The following NEDD4 variants were observed in gnomAD, a reference collection of about 807,000 sequenced individuals.
NEDD4 encodes E3 ubiquitin-protein ligase NEDD4.
In NEDD4, 99 loss-of-function variants were observed where a neutral mutation model predicts 144.9. The ratio of observed to expected loss-of-function variants is 0.68; its 90% CI spans 0.58 to 0.81. The LOEUF (loss-of-function observed/expected upper bound fraction) is 0.81. Ranked by LOEUF, NEDD4 falls within the 30% of genes least tolerant of loss-of-function variation. The pLI, the probability that NEDD4 is intolerant of heterozygous loss-of-function variation, is 0.00. For synonymous variants in NEDD4, 318 were observed against 350.6 expected (o/e 0.91, Z 1.04); for missense variants, 985 against 1,065.9 (o/e 0.92, Z 1.06).
At chr15:55,847,489 GTTTTA>G (rs1205375169) in intron 17 of NEDD4, among the ~76,000 whole-genome samples, 1 of 151,952 alleles carries the variant, frequency 6.6e-6, no homozygotes, top group Non-Finnish European at 1.5e-5. Flanking sequence ...GGTATCTTCA[GTTTTA>G]TTTATTTTTA....
chr15:55,982,388 G>T (rs2037818464), intron 1 of NEDD4, among the ~76,000 whole-genome samples: 1 of 152,124 alleles, frequency 6.6e-6, no homozygotes, highest in African/African-American at 2.4e-5. Context: ...CATCGAAGGA[G>T]AATGGATATA....
intron 17 of NEDD4, among the ~76,000 whole-genome samples, chr15:55,848,031 C>T (rs1258777514): frequency 1.3e-5 from 2 of 152,126 alleles, no homozygotes; most frequent in African/African-American, 4.8e-5. Flanking sequence ...GCTGCTTCCT[C>T]ATCCGCATAC....
chr15:55,867,314 C>T (rs924301624), intron 8 of NEDD4, among the ~76,000 whole-genome samples: 3 of 152,144 alleles, frequency 2.0e-5, no homozygotes, highest in Admixed American at 2.0e-4. Context: ...CATAAATAAA[C>T]TCCTACAAGC....
chr15:55,914,318 T>G (rs1309762816), intron 5 of NEDD4, among the ~76,000 whole-genome samples: 1 of 151,746 alleles, frequency 6.6e-6, no homozygotes, highest in African/African-American at 2.4e-5. Flanking sequence ...AGTTAGAAAA[T>G]TTTTTAAATT....
At chr15:55,956,438 T>C (rs1435097428) in intron 2 of NEDD4, among the ~76,000 whole-genome samples, 7 of 152,228 alleles carry the variant, frequency 4.6e-5, no homozygotes, top group Admixed American at 2.6e-4. Context: ...TTTATCATTT[T>C]AGCTCATACT....
At chr15:55,959,606 T>C (rs1220537127) in intron 2 of NEDD4, among the ~76,000 whole-genome samples, 1 of 152,160 alleles carries the variant, frequency 6.6e-6, no homozygotes, top group African/African-American at 2.4e-5. Context: ...ACCAACAGAT[T>C]ATGGCAAATG....
At chr15:55,963,139 T>TA (rs2037453120) in intron 2 of NEDD4, among the ~76,000 whole-genome samples, 1 of 149,384 alleles carries the variant, frequency 6.7e-6, no homozygotes, top group Admixed American at 6.7e-5. Flanking sequence ...TTTTTTATTT[T>TA]TTTTTTTTTT....
At chr15:55,849,230 T>C (rs1245276749) in intron 14 of NEDD4, among the ~76,000 whole-genome samples, 2 of 152,072 alleles carry the variant, frequency 1.3e-5, no homozygotes, top group Non-Finnish European at 2.9e-5. Flanking sequence ...TGATATTTCT[T>C]TCTTTTTTTC....
At chr15:55,903,845 C>CATATATAT (rs34829007) in intron 5 of NEDD4, among the ~76,000 whole-genome samples, 3 of 122,324 alleles carry the variant, frequency 2.5e-5, no homozygotes, top group African/African-American at 9.4e-5. Flanking sequence ...AAAAAACACA[C>CATATATAT]ATATATATAT....
chr15:55,983,303 TGC>T (rs111359928), intron 1 of NEDD4, among the ~76,000 whole-genome samples: 10 of 151,398 alleles, frequency 6.6e-5, no homozygotes, highest in African/African-American at 1.2e-4. Flanking sequence ...TGTGTGTGCG[TGC>T]GCGCGCGTGC....
chr15:55,933,244 A>G (rs967207283), intron 4 of NEDD4, among the ~76,000 whole-genome samples: 1 of 152,042 alleles, frequency 6.6e-6, no homozygotes, highest in Non-Finnish European at 1.5e-5. Flanking sequence ...TGTTTATTGC[A>G]GCACTATTCA....
At chr15:55,986,133 T>C (rs1434809869) in intron 1 of NEDD4, among the ~76,000 whole-genome samples, 1 of 152,200 alleles carries the variant, frequency 6.6e-6, no homozygotes, top group Admixed American at 6.5e-5. Context: ...TCTATGCTGA[T>C]ATAAATAAAT....
Position 55,862,909 on chromosome 15 carries a change from A to T in NEDD4, c.674+4T>A, listed in dbSNP as rs773928258. On this transcript the variant is annotated splice_donor_region_variant and intron_variant, in intron 9 of 28. Transcript: ENST00000435532. ...TTAAAATTGTGAAAGCCATCAGCACATACTGAGGGGTTGGTCTTTTCCACT... is the reference window on the plus strand; with the variant it reads ...TTAAAATTGTGAAAGCCATCAGCACTTACTGAGGGGTTGGTCTTTTCCACT... 1 of 1,595,110 alleles carries T rather than the reference A, an allele frequency of 6.3e-7. No homozygotes were observed. Among genetic ancestry groups the T allele is most frequent in the African/African-American group, 1.3e-5 (1 of 74,422 alleles).
At chr15:55,926,315 C>A (rs1320131557) in intron 4 of NEDD4, among the ~76,000 whole-genome samples, 8 of 152,136 alleles carry the variant, frequency 5.3e-5, no homozygotes, top group African/African-American at 1.9e-4. Flanking sequence ...TCAGAGGTGG[C>A]TGACTCAGCT....
chr15:55,941,670 T>C (rs981664025), intron 4 of NEDD4, among the ~76,000 whole-genome samples: 1 of 151,834 alleles, frequency 6.6e-6, no homozygotes, highest in African/African-American at 2.4e-5. Flanking sequence ...GTTCAAGCGA[T>C]TCTCGTGCCC....
intron 2 of NEDD4, among the ~76,000 whole-genome samples, chr15:55,959,403 G>A (rs1445339464): frequency 9.2e-5 from 14 of 152,166 alleles, no homozygotes; most frequent in Admixed American, 2.6e-4. Flanking sequence ...TCTGAAACTT[G>A]TCCTATGGAC....
At chr15:55,948,077 T>C (rs1489197232) in intron 4 of NEDD4, among the ~76,000 whole-genome samples, 12 of 152,220 alleles carry the variant, frequency 7.9e-5, no homozygotes, top group Non-Finnish European at 1.2e-4. Flanking sequence ...CAAAATCTCC[T>C]TAAGCTGATA....
intron 4 of NEDD4, among the ~76,000 whole-genome samples, chr15:55,947,169 C>G (rs984758270): frequency 6.6e-6 from 1 of 151,906 alleles, no homozygotes; most frequent in East Asian, 1.9e-4. Flanking sequence ...GAGCAGAACT[C>G]AAGGAGAGAG....
Position 55,842,109 on chromosome 15 carries a change from C to T in NEDD4, c.1663G>A (p.Asp555Asn), listed in dbSNP as rs1342604612. The T allele has an allele frequency of 6.2e-7, 1 of 1,614,168 alleles. No individual in the cohort carries two copies. Among genetic ancestry groups the T allele is most frequent in the South Asian group, 1.1e-5 (1 of 91,086 alleles). ...MKLRRATVLEDSYRRIMGVKR... is the reference protein window; with the variant it reads ...MKLRRATVLENSYRRIMGVKR... ...ACACCCATAATTCTCCGGTAAGAGT[C>T]TTCAAGAACAGTTGCTCGGCGAAGT... The change falls in exon 19 of 29, where the codon GAC becomes AAC. Residue 555 changes from aspartate (D) to asparagine (N), a missense_variant. Asp to Asn is a conservative substitution (Grantham distance 23). Transcript: ENST00000435532.
Sources: allele counts gnomAD v4.1 joint callset (sites outside exome capture counted in the v4.1 genomes callset), GRCh38; gene constraint gnomAD v4.1.1; transcripts MANE v1.5; gene names NCBI Gene and HGNC (gene_info 2026-07-23, HGNC 2026-07-21).